The following NALF1 variants were observed in gnomAD, a reference collection of about 807,000 sequenced individuals.
The protein encoded by NALF1 is family with sequence similarity 155 member A.
A neutral mutation model predicts 48.4 loss-of-function variants in NALF1; 3 were observed. That is an observed-to-expected ratio of 0.06 (90% CI 0.03 to 0.16). The LOEUF is 0.16. NALF1 is among the 10% of genes least tolerant of loss of function. The pLI is 1.00. For synonymous variants in NALF1, 262 were observed against 245.7 expected (o/e 1.07, Z -0.62); for missense variants, 526 against 571.5 (o/e 0.92, Z 0.81).
intron 1 of NALF1, among the ~76,000 whole-genome samples, chr13:107,358,127 T>C (rs1276576110): frequency 2.0e-5 from 3 of 152,098 alleles, no homozygotes; most frequent in African/African-American, 4.8e-5. Context: ...TGTATACACA[T>C]TTACACATGC....
intron 1 of NALF1, among the ~76,000 whole-genome samples, chr13:107,477,705 A>T (rs1030945036): frequency 2.6e-5 from 4 of 151,886 alleles, no homozygotes; most frequent in Non-Finnish European, 5.9e-5. Flanking sequence ...TTTTAAAATA[A>T]TTTTTAAGAG....
chr13:107,261,474 T>C (rs1880926064), intron 1 of NALF1, among the ~76,000 whole-genome samples: 1 of 152,198 alleles, frequency 6.6e-6, no homozygotes, highest in Non-Finnish European at 1.5e-5. Context: ...TCATGTACTT[T>C]GGGAGAAGCT....
chr13:107,857,205 C>T (rs542570031), intron 1 of NALF1, among the ~76,000 whole-genome samples: 2 of 152,140 alleles, frequency 1.3e-5, no homozygotes, highest in Non-Finnish European at 2.9e-5. Context: ...AGCTCTAGCT[C>T]GACATCAAGG....
At chr13:107,825,415 C>T (rs1879486119) in intron 1 of NALF1, among the ~76,000 whole-genome samples, 1 of 152,162 alleles carries the variant, frequency 6.6e-6, no homozygotes, top group Non-Finnish European at 1.5e-5. Context: ...AAAGTTGATG[C>T]TCATTCACTT....
intron 1 of NALF1, among the ~76,000 whole-genome samples, chr13:107,309,601 A>C (rs1882005744): frequency 6.6e-6 from 1 of 152,210 alleles, no homozygotes; most frequent in Non-Finnish European, 1.5e-5. Context: ...AGGAAGGTCG[A>C]GCTGAAGAAC....
chr13:107,184,516 G>A (rs1371814698), intron 2 of NALF1, among the ~76,000 whole-genome samples: 2 of 152,048 alleles, frequency 1.3e-5, no homozygotes, highest in Non-Finnish European at 2.9e-5. Flanking sequence ...TGCTTTTCTA[G>A]GTCCCTATGA....
At chr13:107,592,345 T>C (rs896214495) in intron 1 of NALF1, among the ~76,000 whole-genome samples, 2 of 151,952 alleles carry the variant, frequency 1.3e-5, no homozygotes, top group Non-Finnish European at 2.9e-5. Flanking sequence ...AATTAAACAT[T>C]GCATAGATCT....
chr13:107,547,392 T>C (rs1403598083), intron 1 of NALF1, among the ~76,000 whole-genome samples: 2 of 152,230 alleles, frequency 1.3e-5, no homozygotes, highest in Non-Finnish European at 2.9e-5. Context: ...ACTTTGGAAC[T>C]TAAGAGTCTA....
At chr13:107,179,191 T>G (rs749991640) in intron 2 of NALF1, among the ~76,000 whole-genome samples, 4 of 152,098 alleles carry the variant, frequency 2.6e-5, no homozygotes, top group Non-Finnish European at 4.4e-5. Flanking sequence ...TAAAAAGGAA[T>G]GAGATCCTGG....
chr13:107,667,406 C>T (rs1880887122), intron 1 of NALF1, among the ~76,000 whole-genome samples: 1 of 151,940 alleles, frequency 6.6e-6, no homozygotes, highest in Non-Finnish European at 1.5e-5. Flanking sequence ...TTTTAAAATA[C>T]AAGTCAAAAG....
intron 1 of NALF1, among the ~76,000 whole-genome samples, chr13:107,618,543 C>G (rs1455209072): frequency 6.6e-6 from 1 of 152,146 alleles, no homozygotes; most frequent in African/African-American, 2.4e-5. Flanking sequence ...CAGGAGACCA[C>G]TTTGAAAGCT....
intron 1 of NALF1, among the ~76,000 whole-genome samples, chr13:107,797,776 G>A (rs1014207): frequency 6.7e-6 from 1 of 150,214 alleles, no homozygotes; most frequent in Non-Finnish European, 1.5e-5. Context: ...AAGATAAAAA[G>A]AATAAAAGTA....
chr13:107,642,910 G>A (rs2138460045), intron 1 of NALF1, among the ~76,000 whole-genome samples: 1 of 152,294 alleles, frequency 6.6e-6, no homozygotes, highest in South Asian at 2.1e-4. Flanking sequence ...TCAGGAAAAG[G>A]AGCTGATGCA....
At position 107,408,002 on chromosome 13, in the gene NALF1, T is replaced by C. The variant is rs531912525; in HGVS notation, c.916-197247A>G. ...AAGTTAAATGAAATAAGCCAGACAC[T>C]AAAAGACAAACTTCACATTTTCTCA... On this transcript the variant is annotated intron_variant, in intron 1 of 2. Coordinates refer to ENST00000375915, the MANE Select transcript of NALF1 (RefSeq NM_001080396.3). Among the ~76,000 whole-genome samples the C allele has an allele frequency of 2.0e-5, 3 of 152,066 alleles. No homozygotes were observed. The South Asian group carries it at 6.2e-4, about 31-fold the overall frequency.
At chr13:107,636,516 AC>A (rs1424380134) in intron 1 of NALF1, among the ~76,000 whole-genome samples, 1 of 152,096 alleles carries the variant, frequency 6.6e-6, no homozygotes, top group Non-Finnish European at 1.5e-5. Flanking sequence ...TAAAAGATAA[AC>A]CCTTTTCACT....
intron 1 of NALF1, among the ~76,000 whole-genome samples, chr13:107,348,474 G>A (rs1170541471): frequency 6.6e-6 from 1 of 152,098 alleles, no homozygotes; most frequent in Non-Finnish European, 1.5e-5. Flanking sequence ...TGTGCAGAGT[G>A]TGCAGGTTTG....
At chr13:107,573,256 C>T (rs191713243) in intron 1 of NALF1, among the ~76,000 whole-genome samples, 1 of 152,292 alleles carries the variant, frequency 6.6e-6, no homozygotes, top group Non-Finnish European at 1.5e-5. Context: ...TCCTAACATA[C>T]TTCTGCTCTT....
intron 1 of NALF1, among the ~76,000 whole-genome samples, chr13:107,335,561 A>C (rs1882540447): frequency 6.6e-6 from 1 of 152,222 alleles, no homozygotes; most frequent in Admixed American, 6.5e-5. Flanking sequence ...TGAAAATCCC[A>C]ATCATGAGAC....
chr13:107,217,779 G>A (rs1879905916), intron 1 of NALF1, among the ~76,000 whole-genome samples: 1 of 152,124 alleles, frequency 6.6e-6, no homozygotes, highest in South Asian at 2.1e-4. Context: ...TGACACCAGT[G>A]CTGCTCGCGC....
Sources: allele counts gnomAD v4.1 joint callset (sites outside exome capture counted in the v4.1 genomes callset), GRCh38; gene constraint gnomAD v4.1.1; transcripts MANE v1.5; gene names NCBI Gene and HGNC (gene_info 2026-07-23, HGNC 2026-07-21).